GRAMD1B: variants seen among roughly 807,000 people sequenced by gnomAD.
GRAMD1B encodes GRAM domain containing 1B.
In GRAMD1B, 37 loss-of-function variants were observed where a neutral mutation model predicts 99.7. The ratio of observed to expected loss-of-function variants is 0.37; its 90% confidence interval spans 0.29 to 0.49. The LOEUF is 0.49. GRAMD1B is among the 20% of genes least tolerant of loss of function. GRAMD1B has a pLI of 0.98. For synonymous variants in GRAMD1B, 427 were observed against 387.6 expected (o/e 1.10, Z -1.19); for missense variants, 888 against 1,009.2 (o/e 0.88, Z 1.63).
intron 1 of GRAMD1B, among the ~76,000 whole-genome samples, chr11:123,390,118 T>A (rs1947221141): frequency 2.8e-5 from 4 of 142,910 alleles, no homozygotes; most frequent in African/African-American, 1.1e-4. Flanking sequence ...AACAAATAGC[T>A]AATGTTCACA....
In GRAMD1B at chr11:123,598,237, T is replaced by C. The variant is rs1014992467; in HGVS notation, c.969+2200T>C. The stretch of plus-strand genomic sequence containing the variant: ...GTAGTTTCCACAGATCTCACAGTTG[T>C]AGTTGATATTTAGGCCATGAAGCAT... On this transcript the variant is annotated intron_variant, in intron 7 of 19. Coordinates refer to ENST00000635736, the MANE Select transcript of GRAMD1B (RefSeq NM_001387025.1). 36 of 1,398,620 alleles carry C rather than the reference T, an allele frequency of 2.6e-5. No individual in the cohort carries two copies. The African/African-American group carries it at 4.5e-4, about 18-fold the overall frequency. 86.6% of individuals were successfully genotyped at this position (1,398,620 alleles called of 1,614,324 possible).
intron 2 of GRAMD1B, among the ~76,000 whole-genome samples, chr11:123,500,060 G>T (rs939776600): frequency 6.6e-6 from 1 of 152,200 alleles, no homozygotes; most frequent in Non-Finnish European, 1.5e-5. Context: ...GGACGCAGTG[G>T]CTCACGCCTG....
In GRAMD1B at chr11:123,626,821, A is replaced by T. The variant is rs1174845801; in HGVS notation, c.*4226A>T. On this transcript the variant is annotated 3_prime_UTR_variant, in exon 20 of 20. Transcript: ENST00000635736. ...CTCTGTGTTTTCTTCTAGAAGATGCATTTTGGGTCTGAGAGGAGCATTTTC... is the reference window on the plus strand; with the variant it reads ...CTCTGTGTTTTCTTCTAGAAGATGCTTTTTGGGTCTGAGAGGAGCATTTTC... 6.6e-6 allele frequency: 1 copy of T among 152,238 alleles called. No homozygotes were observed. The highest frequency in any genetic ancestry group is 1.5e-5 in the Non-Finnish European group (1 of 68,108). The allele number at this position is 152,238 out of a possible 1,614,324, so 9.4% of individuals were successfully genotyped here.
chr11:123,417,735 G>A (rs1434102147), intron 1 of GRAMD1B, among the ~76,000 whole-genome samples: 3 of 152,070 alleles, frequency 2.0e-5, no homozygotes, highest in East Asian at 3.9e-4. Context: ...TCAGGAGTTC[G>A]AGACCAGCCT....
At chr11:123,449,994 A>G (rs1949814036) in intron 1 of GRAMD1B, among the ~76,000 whole-genome samples, 1 of 152,068 alleles carries the variant, frequency 6.6e-6, no homozygotes, top group Non-Finnish European at 1.5e-5. Flanking sequence ...ATGTGTTGGG[A>G]TTACAGGCAT....
At chr11:123,388,943 C>T (rs1054071975) in intron 1 of GRAMD1B, among the ~76,000 whole-genome samples, 1 of 152,020 alleles carries the variant, frequency 6.6e-6, no homozygotes, top group Non-Finnish European at 1.5e-5. Flanking sequence ...ACATTCAGTC[C>T]GGGGATCAAG....
intron 19 of GRAMD1B, among the ~76,000 whole-genome samples, chr11:123,621,236 G>A (rs1013154492): frequency 6.6e-6 from 1 of 152,134 alleles, no homozygotes; most frequent in Non-Finnish European, 1.5e-5. Flanking sequence ...CCCCAGAAAT[G>A]TTGTCTTATG....
At chr11:123,604,258 A>G (rs766147453) in intron 9 of GRAMD1B, among the ~76,000 whole-genome samples, 22 of 152,328 alleles carry the variant, frequency 1.4e-4, no homozygotes, top group Admixed American at 5.2e-4. Flanking sequence ...GACTAGCTGA[A>G]ATTTCAAGTG....
At chr11:123,607,023 C>A (rs932564587) in intron 11 of GRAMD1B, among the ~76,000 whole-genome samples, 3 of 152,166 alleles carry the variant, frequency 2.0e-5, no homozygotes, top group Non-Finnish European at 2.9e-5. Context: ...AGTCTTGTCA[C>A]TAAATGTTCC....
intron 1 of GRAMD1B, among the ~76,000 whole-genome samples, chr11:123,417,256 C>T (rs1195979936): frequency 6.6e-6 from 1 of 152,124 alleles, no homozygotes; most frequent in Non-Finnish European, 1.5e-5. Context: ...GCCTGTAATC[C>T]CAGCTACTCA....
intron 1 of GRAMD1B, among the ~76,000 whole-genome samples, chr11:123,475,071 G>A (rs1164761062): frequency 1.3e-5 from 2 of 152,142 alleles, no homozygotes; most frequent in East Asian, 3.8e-4. Context: ...GCCATATTCC[G>A]TCTTTCTAGC....
In GRAMD1B at chr11:123,610,176, T is replaced by C. The variant is rs770339156; in HGVS notation, c.1777-20T>C. 1.3e-5 allele frequency: 21 copies of C among 1,613,512 alleles called. No homozygotes were observed. The highest frequency in any genetic ancestry group is 8.8e-5 in the South Asian group (8 of 91,062). On this transcript the variant is annotated intron_variant, in intron 13 of 19. Transcript: ENST00000635736. This position sits in a 1 kb window ranked among gnomAD's most constrained non-coding sequence, Gnocchi z 4.1. ...CTTGCTCCTCTTCAGTTTTGTCCAATGGACCTTTCCTGCCCGCAGACCATG... is the reference window on the plus strand; with the variant it reads ...CTTGCTCCTCTTCAGTTTTGTCCAACGGACCTTTCCTGCCCGCAGACCATG...
In GRAMD1B at chr11:123,562,231, C is replaced by A. The variant is rs375290108; in HGVS notation, c.453-15136C>A. Among the ~76,000 whole-genome samples, 10 of 152,288 alleles carry A rather than the reference C, an allele frequency of 6.6e-5. No homozygotes were observed. In the East Asian group the frequency reaches 1.5e-3, roughly 24 times the overall value. On this transcript the variant is annotated intron_variant, in intron 2 of 19. Coordinates refer to ENST00000635736, the MANE Select transcript of GRAMD1B (RefSeq NM_001387025.1). ...AGCCTAAGACTAAACACCTCCCACA[C>A]CCCCTCCCTGCTTCTCTCTTTTCTG... is the stretch of plus-strand genomic sequence containing the variant.
At chr11:123,567,720 G>A (rs577822521) in intron 2 of GRAMD1B, among the ~76,000 whole-genome samples, 1 of 152,264 alleles carries the variant, frequency 6.6e-6, no homozygotes, top group South Asian at 2.1e-4. Context: ...AGGCAGCAGG[G>A]GGGAGTGGGA....
chr11:123,577,330 T>C, intron 2 of GRAMD1B, 37 bp from the exon 3 acceptor site: 10 of 1,524,844 alleles, frequency 6.6e-6, no homozygotes, highest in Non-Finnish European at 8.9e-6. Flanking sequence ...CCTCCTTCTC[T>C]TTCCACCCCG....
intron 17 of GRAMD1B, among the ~76,000 whole-genome samples, chr11:123,615,294 G>A (rs1196946023): frequency 1.3e-5 from 2 of 152,204 alleles, no homozygotes; most frequent in Admixed American, 1.3e-4. Context: ...CAAAATCAAT[G>A]CCTACAATAC....
chr11:123,476,394 C>T (rs1021468920), intron 1 of GRAMD1B, among the ~76,000 whole-genome samples: 2 of 152,212 alleles, frequency 1.3e-5, no homozygotes, highest in Non-Finnish European at 2.9e-5. Flanking sequence ...AGCCACCGCA[C>T]CCGGCCCATT....
At chr11:123,592,664 G>T (rs936174490) in intron 4 of GRAMD1B, among the ~76,000 whole-genome samples, 2 of 152,090 alleles carry the variant, frequency 1.3e-5, no homozygotes, top group African/African-American at 4.8e-5. Context: ...AACTAATATA[G>T]GGGCCAGAGG....
intron 4 of GRAMD1B, among the ~76,000 whole-genome samples, chr11:123,586,215 C>A (rs1950058154): frequency 6.6e-6 from 1 of 152,158 alleles, no homozygotes; most frequent in Non-Finnish European, 1.5e-5. Context: ...CATATGAGAG[C>A]CAGCGGAGGA....
Sources: allele counts gnomAD v4.1 joint callset (sites outside exome capture counted in the v4.1 genomes callset), GRCh38; gene constraint gnomAD v4.1.1; non-coding constraint Gnocchi (gnomAD v3.1); transcripts MANE v1.5; gene names NCBI Gene and HGNC (gene_info 2026-07-23, HGNC 2026-07-21).